Variants in FMNL2 observed in about 807,000 individuals in gnomAD.
The protein encoded by FMNL2 is formin like 2.
A neutral mutation model predicts 130.2 loss-of-function variants in FMNL2; 51 were observed. The ratio of observed to expected loss-of-function variants is 0.39; its 90% CI spans 0.31 to 0.49. The LOEUF is 0.49. Among genes scored for constraint, FMNL2 ranks in the 20% least tolerant of loss-of-function variants. FMNL2 has a pLI of 0.85. For missense variants in FMNL2, 977 were observed against 1,316.2 expected, an observed-to-expected ratio of 0.74 and a Z score of 3.99; for synonymous variants, 465 against 467.1, an observed-to-expected ratio of 1.00 and a Z score of 0.06.
intron 1 of FMNL2, among the ~76,000 whole-genome samples, chr2:152,418,802 A>G (rs9917302): frequency 0.14 from 20,897 of 152,044 alleles, 1,976 homozygotes; most frequent in Admixed American, 0.24. Context: ...TTCTGCTTTC[A>G]GTACTTTTGA....
In FMNL2 at chr2:152,532,702, G is replaced by C. The variant is rs182124769; in HGVS notation, c.202-10037G>C. ...GGCTCATTGCAACCTCCGTTTCCTG[G>C]GTTCAAGCGATTCTCCTGCCTCAGT... On this transcript the variant is annotated intron_variant, in intron 2 of 25. Transcript: ENST00000288670. 1.1e-3 allele frequency among the ~76,000 whole-genome samples: 166 copies of C among 151,608 alleles called. 2 individuals are homozygous for C. In the East Asian group the frequency reaches 0.023, roughly 21 times the overall value.
intron 2 of FMNL2, among the ~76,000 whole-genome samples, chr2:152,540,720 T>C (rs945738244): frequency 2.7e-5 from 4 of 148,122 alleles, no homozygotes; most frequent in Admixed American, 1.3e-4. Context: ...AGGGATAGCA[T>C]TGGGAGATAT....
intron 8 of FMNL2, among the ~76,000 whole-genome samples, chr2:152,579,498 A>G (rs1029727566): frequency 6.6e-6 from 1 of 152,306 alleles, no homozygotes; most frequent in South Asian, 2.1e-4. Context: ...AGGAGTTGCG[A>G]CCAGCCTGGC....
rs975127241 is a variant in FMNL2 at position 152,420,660 on chromosome 2, A to C, written c.117+84940A>C. 5.9e-5 allele frequency among the ~76,000 whole-genome samples: 9 copies of C among 152,358 alleles called. No individual in the cohort carries two copies. In the Middle Eastern group the frequency reaches 0.014, roughly 230 times the overall value. On this transcript the variant is annotated intron_variant, in intron 1 of 25. Coordinates refer to ENST00000288670, the MANE Select transcript of FMNL2 (RefSeq NM_052905.4). ...CCAAAAATTGCCAGATAGATGCAGCACTGAGCTGCCTCCCAGGTCATCCCA... is the reference window on the plus strand; with the variant it reads ...CCAAAAATTGCCAGATAGATGCAGCCCTGAGCTGCCTCCCAGGTCATCCCA...
chr2:152,637,516 A>G, intron 22 of FMNL2, 57 bp from the exon 23 acceptor site: 1 of 1,368,168 alleles, frequency 7.3e-7, no homozygotes, highest in Non-Finnish European at 1.0e-6. Flanking sequence ...TTCCCCCTAG[A>G]GCATCCAGTT....
chr2:152,614,813 T>C (rs567279977), intron 11 of FMNL2, 38 bp from the exon 12 acceptor site: 2 of 1,554,420 alleles, frequency 1.3e-6, no homozygotes, highest in African/African-American at 1.4e-5. Flanking sequence ...TTTCCATAGA[T>C]GAGCTAACAC....
At chr2:152,347,090 C>CAA (rs11390817) in intron 1 of FMNL2, among the ~76,000 whole-genome samples, 2,237 of 148,246 alleles carry the variant, frequency 0.015, 45 homozygotes, top group African/African-American at 0.04. Flanking sequence ...TATTCCGTCT[C>CAA]AAAAAAAAAA....
chr2:152,484,185 A>G (rs1310190105), intron 1 of FMNL2, among the ~76,000 whole-genome samples: 1 of 152,162 alleles, frequency 6.6e-6, no homozygotes, highest in Non-Finnish European at 1.5e-5. Context: ...CTGGTGTGCA[A>G]TTCCAGAATG....
intron 1 of FMNL2, among the ~76,000 whole-genome samples, chr2:152,454,029 T>C (rs1454214641): frequency 6.6e-6 from 1 of 152,162 alleles, no homozygotes. Flanking sequence ...CCCCAGCACT[T>C]CGGGAGGCTG....
intron 10 of FMNL2, among the ~76,000 whole-genome samples, chr2:152,609,751 C>A (rs984466247): frequency 6.6e-6 from 1 of 151,938 alleles, no homozygotes; most frequent in Non-Finnish European, 1.5e-5. Context: ...AAGAATCTAA[C>A]TTGATAAAAA....
At chr2:152,498,902 T>G (rs1691660209) in intron 1 of FMNL2, among the ~76,000 whole-genome samples, 2 of 152,322 alleles carry the variant, frequency 1.3e-5, no homozygotes, top group South Asian at 4.1e-4. Flanking sequence ...AGAGGCAGAA[T>G]TAGTCCCCCT....
chr2:152,515,916 T>A (rs774691313), intron 1 of FMNL2, among the ~76,000 whole-genome samples: 1 of 152,224 alleles, frequency 6.6e-6, no homozygotes, highest in Non-Finnish European at 1.5e-5. Context: ...GGGTGTTTAC[T>A]AATTTCATTT....
chr2:152,489,271 A>G (rs1335204287), intron 1 of FMNL2, among the ~76,000 whole-genome samples: 3 of 152,258 alleles, frequency 2.0e-5, no homozygotes, highest in Non-Finnish European at 4.4e-5. Flanking sequence ...GGGAAAGGCA[A>G]CACCTATAAC....
chr2:152,552,704 T>A (rs1279530914), intron 4 of FMNL2, among the ~76,000 whole-genome samples: 2 of 152,192 alleles, frequency 1.3e-5, no homozygotes, highest in Non-Finnish European at 2.9e-5. Context: ...TTATGACTTA[T>A]CTAAGCTTTT....
At chr2:152,478,243 TATATA>T (rs1163307638) in intron 1 of FMNL2, among the ~76,000 whole-genome samples, 2,188 of 35,732 alleles carry the variant, frequency 0.061, 96 homozygotes, top group Admixed American at 0.31. Flanking sequence ...TATATATATA[TATATA>T]TATTTTTTTT....
intron 1 of FMNL2, among the ~76,000 whole-genome samples, chr2:152,403,650 G>A (rs564277079): frequency 2.0e-5 from 3 of 152,164 alleles, no homozygotes; most frequent in East Asian, 3.9e-4. Context: ...TGGTGTAGGA[G>A]TAGTGACAGA....
intron 1 of FMNL2, among the ~76,000 whole-genome samples, chr2:152,343,021 A>G (rs1681900679): frequency 6.6e-6 from 1 of 152,212 alleles, no homozygotes; most frequent in African/African-American, 2.4e-5. Flanking sequence ...TTCTAGGACA[A>G]ACTTCATATA....
chr2:152,378,366 AT>A (rs1464044032), intron 1 of FMNL2, among the ~76,000 whole-genome samples: 1 of 152,142 alleles, frequency 6.6e-6, no homozygotes, highest in Non-Finnish European at 1.5e-5. Context: ...TTTATACTTT[AT>A]TTTCAGAATA....
At chr2:152,538,381 G>A (rs1401766045) in intron 2 of FMNL2, among the ~76,000 whole-genome samples, 1 of 152,100 alleles carries the variant, frequency 6.6e-6, no homozygotes, top group Non-Finnish European at 1.5e-5. Context: ...CTGGGTTCAA[G>A]TAATCCTCCT....
Sources: gnomAD v4.1 joint callset for allele counts (sites outside exome capture counted in the v4.1 genomes callset) on GRCh38, gnomAD v4.1.1 for gene constraint, MANE v1.5 for transcripts, NCBI Gene and HGNC (gene_info 2026-07-23, HGNC 2026-07-21) for gene names.